The following PPM1H variants were observed in gnomAD, a reference collection of about 807,000 sequenced individuals.
PPM1H encodes protein phosphatase 1H.
PPM1H carries 27 observed loss-of-function variants against 54.9 expected under a neutral mutation model. The ratio of observed to expected loss-of-function variants is 0.49; its 90% confidence interval spans 0.36 to 0.68. The LOEUF (loss-of-function observed/expected upper bound fraction) is 0.68, where lower values mean the gene tolerates loss of function less well. PPM1H is among the 30% of genes least tolerant of loss of function. The pLI is 0.00. For missense variants in PPM1H, 596 were observed against 667.8 expected (o/e 0.89, Z 1.19); for synonymous variants, 305 against 270.8 (o/e 1.13, Z -1.24).
At chr12:62,857,429 G>T (rs1869430366) in intron 1 of PPM1H, among the ~76,000 whole-genome samples, 1 of 152,134 alleles carries the variant, frequency 6.6e-6, no homozygotes, top group Non-Finnish European at 1.5e-5. Context: ...ACTGGGTTTT[G>T]TAGTTGTTAC....
intron 3 of PPM1H, among the ~76,000 whole-genome samples, chr12:62,795,401 A>G (rs1188993475): frequency 2.0e-5 from 3 of 151,970 alleles, no homozygotes; most frequent in Non-Finnish European, 2.9e-5. Flanking sequence ...GCATATTTCT[A>G]TATTCATATA....
At chr12:62,840,082 A>C (rs11830775) in intron 1 of PPM1H, 7,782 of 125,286 alleles carry the variant, frequency 0.062, 251 homozygotes, top group South Asian at 0.17. Context: ...AGAGAGAGAG[A>C]GAGCGAGAGA....
At chr12:62,666,169 C>T (rs896476715) in intron 9 of PPM1H, among the ~76,000 whole-genome samples, 3 of 152,166 alleles carry the variant, frequency 2.0e-5, no homozygotes, top group East Asian at 1.9e-4. Context: ...CCTCTGTCTC[C>T]GGGGTTCAAG....
At chr12:62,837,713 G>C (rs1868545009) in intron 1 of PPM1H, among the ~76,000 whole-genome samples, 1 of 152,230 alleles carries the variant, frequency 6.6e-6, no homozygotes, top group South Asian at 2.1e-4. Flanking sequence ...TATTTGATGA[G>C]TGCCTGGTAC....
chr12:62,879,536 C>A (rs1021486030), intron 1 of PPM1H, among the ~76,000 whole-genome samples: 4 of 152,074 alleles, frequency 2.6e-5, no homozygotes, highest in African/African-American at 9.7e-5. Flanking sequence ...ACCACATGTT[C>A]TCAGTCATAA....
chr12:62,927,319 T>C (rs1231031788), intron 1 of PPM1H, among the ~76,000 whole-genome samples: 1 of 152,212 alleles, frequency 6.6e-6, no homozygotes, highest in Non-Finnish European at 1.5e-5. Context: ...GGGAGATTCA[T>C]GAATGGGAAG....
intron 1 of PPM1H, among the ~76,000 whole-genome samples, chr12:62,843,004 T>TA (rs1042459618): frequency 6.6e-6 from 1 of 152,186 alleles, no homozygotes; most frequent in African/African-American, 2.4e-5. Flanking sequence ...CTGACTGTTG[T>TA]AAAAAAAGAA....
At chr12:62,920,316 T>G (rs1871753351) in intron 1 of PPM1H, among the ~76,000 whole-genome samples, 2 of 152,166 alleles carry the variant, frequency 1.3e-5, no homozygotes, top group Admixed American at 1.3e-4. Context: ...CAAAAAATCC[T>G]CTTTTTAAAA....
At chr12:62,770,684 G>A (rs1182018232) in intron 4 of PPM1H, among the ~76,000 whole-genome samples, 2 of 152,046 alleles carry the variant, frequency 1.3e-5, no homozygotes, top group East Asian at 1.9e-4. Flanking sequence ...GGTGTGGTGG[G>A]GGAACAATTA....
intron 4 of PPM1H, among the ~76,000 whole-genome samples, chr12:62,781,268 T>C (rs879688306): frequency 4.6e-5 from 7 of 152,174 alleles, no homozygotes; most frequent in Non-Finnish European, 8.8e-5. Context: ...AGGGCCTAAG[T>C]TCTAGGATGT....
At chr12:62,927,522 T>C (rs1872006442) in intron 1 of PPM1H, among the ~76,000 whole-genome samples, 1 of 150,880 alleles carries the variant, frequency 6.6e-6, no homozygotes, top group Admixed American at 6.6e-5. Context: ...ATTACCTGGG[T>C]GTGGTGGTGG....
chr12:62,854,469 CA>C (rs1263349254), intron 1 of PPM1H, among the ~76,000 whole-genome samples: 2 of 151,090 alleles, frequency 1.3e-5, no homozygotes, highest in African/African-American at 4.9e-5. Context: ...GGGGTAGTCA[CA>C]GGGGTGGGGG....
intron 4 of PPM1H, among the ~76,000 whole-genome samples, chr12:62,745,697 C>T (rs934516156): frequency 2.6e-5 from 4 of 152,194 alleles, no homozygotes; most frequent in African/African-American, 9.6e-5. Context: ...AAAATAAGAA[C>T]TGGTTAAGCC....
At chr12:62,922,140 A>G (rs1314874017) in intron 1 of PPM1H, among the ~76,000 whole-genome samples, 1 of 152,230 alleles carries the variant, frequency 6.6e-6, no homozygotes, top group Admixed American at 6.5e-5. Context: ...ACATATAGTA[A>G]GGAAGTATAA....
At chr12:62,745,134 T>C (rs1298267391) in intron 4 of PPM1H, among the ~76,000 whole-genome samples, 1 of 152,182 alleles carries the variant, frequency 6.6e-6, no homozygotes, top group African/African-American at 2.4e-5. Context: ...TAACATATAA[T>C]TATGTTTCAA....
At chr12:62,892,929 A>G (rs1870851050) in intron 1 of PPM1H, among the ~76,000 whole-genome samples, 1 of 152,230 alleles carries the variant, frequency 6.6e-6, no homozygotes, top group Admixed American at 6.5e-5. Flanking sequence ...TCCCATCAAG[A>G]AACAAAGTCC....
At chr12:62,673,695 G>A (rs1481758818) in intron 8 of PPM1H, among the ~76,000 whole-genome samples, 5 of 105,404 alleles carry the variant, frequency 4.7e-5, no homozygotes, top group Non-Finnish European at 1.1e-4. Flanking sequence ...AACAAGCTTT[G>A]TGACTTGAGA....
intron 4 of PPM1H, among the ~76,000 whole-genome samples, chr12:62,778,693 A>G (rs899014584): frequency 1.3e-5 from 2 of 152,206 alleles, no homozygotes; most frequent in Non-Finnish European, 2.9e-5. Context: ...GTTCATGCCT[A>G]TAATCCTAAC....
chr12:62,780,239 G>T (rs916377164), intron 4 of PPM1H, among the ~76,000 whole-genome samples: 4 of 152,054 alleles, frequency 2.6e-5, no homozygotes, highest in Admixed American at 1.3e-4. Context: ...TAAATTTACT[G>T]TCTACTTAAA....
Sources: allele counts gnomAD v4.1 joint callset (sites outside exome capture counted in the v4.1 genomes callset), GRCh38; gene constraint gnomAD v4.1.1; transcripts MANE v1.5; gene names NCBI Gene and HGNC (gene_info 2026-07-23, HGNC 2026-07-21).